The following IL12RB2 variants were observed in gnomAD, a reference collection of about 807,000 sequenced individuals.
IL12RB2 encodes interleukin 12 receptor subunit beta 2.
IL12RB2 carries 82 observed loss-of-function variants against 89.4 expected under a neutral mutation model. The observed-to-expected ratio is 0.92, with a 90% CI of 0.77 to 1.10. The LOEUF (loss-of-function observed/expected upper bound fraction) is 1.10, where lower values mean the gene tolerates loss of function less well. IL12RB2 is among the 50% of genes least tolerant of loss of function. The pLI is 0.00. For synonymous variants in IL12RB2, 368 were observed against 370.1 expected, an observed-to-expected ratio of 0.99 and a Z score of 0.07; for missense variants, 963 against 1,031.9, an observed-to-expected ratio of 0.93 and a Z score of 0.92.
rs554884819 is a variant in IL12RB2, at chr1:67,332,832, G to C, written c.958+2022G>C. On this transcript the variant is annotated intron_variant, in intron 8 of 16. Coordinates refer to ENST00000674203, the MANE Select transcript of IL12RB2 (RefSeq NM_001374259.2). ...TATAAACTAGGGAAACTCTGGGCTT[G>C]TGAATTCTTGTCATTCTTACTCACA... is the stretch of plus-strand genomic sequence containing the variant. Among the ~76,000 whole-genome samples, 14 of 152,320 alleles carry C rather than the reference G, an allele frequency of 9.2e-5. No individual in the cohort carries two copies. In the South Asian group the frequency reaches 2.5e-3, roughly 27 times the overall value.
chr1:67,307,572 G>C (rs1654419912), upstream of IL12RB2: 1 of 152,238 alleles, frequency 6.6e-6, no homozygotes, highest in South Asian at 2.1e-4. Flanking sequence ...GGAAACTGAC[G>C]GTGGAGAGAG....
Position 67,372,547 on chromosome 1 carries a change from A to C in IL12RB2, c.1558+13A>C, listed in dbSNP as rs1488775137. 6.2e-7 allele frequency: 1 copy of C among 1,602,526 alleles called. No individual in the cohort carries two copies. On this transcript the variant is annotated intron_variant, in intron 12 of 16. Transcript: ENST00000674203. ...TCTAAGCACAAAGGTGAGTCTTGGG[A>C]TCTTTTGCCAAATTTTGCTTTAGTT...
chr1:67,387,837 A>G (rs1665387098), intron 15 of IL12RB2, among the ~76,000 whole-genome samples: 1 of 152,198 alleles, frequency 6.6e-6, no homozygotes, highest in Non-Finnish European at 1.5e-5. Context: ...AATGTAAGAT[A>G]TATCAGTTAG....
Position 67,372,719 on chromosome 1 carries a change from C to T in IL12RB2, c.1653C>T (p.Gly551=). The T allele has an allele frequency of 6.2e-7, 1 of 1,604,336 alleles. No individual in the cohort carries two copies. The highest frequency in any genetic ancestry group is 8.5e-7 in the Non-Finnish European group (1 of 1,171,000). Residue 551 remains glycine, a synonymous_variant, in exon 13 of 17, where the codon GGC becomes GGT. Transcript: ENST00000674203. ...GCATTCCAGTCCAGGAGCAAATGGG[C>T]TGCCTCCTCCATTATAGGATATACT... The part of the protein sequence containing the change: ...WNSIPVQEQM[G]CLLHYRIYWK...
chr1:67,358,486 G>T (rs1401655536), intron 10 of IL12RB2, among the ~76,000 whole-genome samples: 1 of 152,138 alleles, frequency 6.6e-6, no homozygotes, highest in East Asian at 1.9e-4. Context: ...TGAGGCAGGA[G>T]AATCGCTTGA....
At chr1:67,385,932 C>T (rs113756470) in intron 14 of IL12RB2, among the ~76,000 whole-genome samples, 2,277 of 152,206 alleles carry the variant, frequency 0.015, 22 homozygotes, top group South Asian at 0.042. Context: ...AAGTCCAGGC[C>T]GGGCACGGTG....
intron 15 of IL12RB2, among the ~76,000 whole-genome samples, chr1:67,388,384 C>T (rs2029860): frequency 0.47 from 71,012 of 151,902 alleles, 18,760 homozygotes; most frequent in Non-Finnish European, 0.58. Context: ...CTCACTCTGT[C>T]GCCCAGGCTG....
rs142207107 is a variant in IL12RB2, at chr1:67,330,137, G to T, written c.807+408G>T. ...ACAATTTAATATAATATTAGGCATTGCATGTTTTAAAATAAAAGGTATAGG... is the reference window on the plus strand; with the variant it reads ...ACAATTTAATATAATATTAGGCATTTCATGTTTTAAAATAAAAGGTATAGG... On this transcript the variant is annotated intron_variant, in intron 7 of 16. Transcript: ENST00000674203. Among the ~76,000 whole-genome samples, 594 of 152,102 alleles carry T rather than the reference G, an allele frequency of 3.9e-3. 7 individuals are homozygous for T. Among genetic ancestry groups the T allele is most frequent in the African/African-American group, 0.014 (574 of 41,522 alleles).
At chr1:67,380,967 TG>T (rs1281779137) in intron 14 of IL12RB2, among the ~76,000 whole-genome samples, 1 of 152,184 alleles carries the variant, frequency 6.6e-6, no homozygotes, top group African/African-American at 2.4e-5. Context: ...ATTCTGAGGC[TG>T]GGGGTTTAGG....
At chr1:67,318,517 C>T (rs1248232835) in intron 2 of IL12RB2, among the ~76,000 whole-genome samples, 1 of 151,980 alleles carries the variant, frequency 6.6e-6, no homozygotes, top group Non-Finnish European at 1.5e-5. Flanking sequence ...GAGAGAAGTG[C>T]ATTGATCTGT....
At chr1:67,369,617 C>T (rs1447295633) in intron 11 of IL12RB2, among the ~76,000 whole-genome samples, 4 of 152,164 alleles carry the variant, frequency 2.6e-5, no homozygotes, top group Non-Finnish European at 4.4e-5. Flanking sequence ...AAATTGTAAA[C>T]ATTATTATAA....
chr1:67,393,992 G>A (rs776120449), intron 16 of IL12RB2, among the ~76,000 whole-genome samples: 1 of 152,148 alleles, frequency 6.6e-6, no homozygotes, highest in Non-Finnish European at 1.5e-5. Context: ...TTTCTTCACT[G>A]AACAGGCATC....
At position 67,372,836 on chromosome 1, in the gene IL12RB2, GA is replaced by G; in HGVS notation, c.1717+57del. 3 of 1,223,782 alleles carry G rather than the reference GA, an allele frequency of 2.5e-6. 1 individual carries two copies. The South Asian group carries it at 3.6e-5, about 15-fold the overall frequency. The allele number at this position is 1,223,782 out of a possible 1,614,324, so 75.8% of individuals were successfully genotyped here. A position where few individuals can be genotyped will look rare whatever the true frequency, so the allele number is the denominator to read the frequency against. ...TGGGGCCTTCTTGTTTGGATGTCAGGAAAACACAAGGAGGTGTGTGTGCACA... is the reference window on the plus strand; with the variant it reads ...TGGGGCCTTCTTGTTTGGATGTCAGGAAACACAAGGAGGTGTGTGTGCACA... On this transcript the variant is annotated intron_variant, in intron 13 of 16. Coordinates refer to ENST00000674203, the MANE Select transcript of IL12RB2 (RefSeq NM_001374259.2).
At chr1:67,346,297 C>T (rs1160729725) in intron 9 of IL12RB2, among the ~76,000 whole-genome samples, 1 of 151,080 alleles carries the variant, frequency 6.6e-6, no homozygotes, top group Non-Finnish European at 1.5e-5. Context: ...TTGTGCATGA[C>T]ATTGAAGGTG....
At chr1:67,328,007 A>G (rs1043479477) in intron 5 of IL12RB2, among the ~76,000 whole-genome samples, 193 bp from the exon 6 acceptor site, 3 of 152,234 alleles carry the variant, frequency 2.0e-5, no homozygotes, top group African/African-American at 7.2e-5. Context: ...TCTACCAAAA[A>G]AGGGAGTTGG....
chr1:67,323,500 T>G (rs890096098), intron 4 of IL12RB2, among the ~76,000 whole-genome samples: 13 of 152,174 alleles, frequency 8.5e-5, no homozygotes, highest in African/African-American at 3.1e-4. Context: ...ATATGCAAAG[T>G]GCTTAATCCC....
At chr1:67,329,339 G>C (rs991115726) in intron 6 of IL12RB2, among the ~76,000 whole-genome samples, 2 of 152,146 alleles carry the variant, frequency 1.3e-5, no homozygotes, top group South Asian at 2.1e-4. Flanking sequence ...ACTAATGTTG[G>C]TAGTAGTTAT....
At chr1:67,381,463 C>A (rs1355982779) in intron 14 of IL12RB2, among the ~76,000 whole-genome samples, 1 of 152,120 alleles carries the variant, frequency 6.6e-6, no homozygotes, top group Non-Finnish European at 1.5e-5. Context: ...CCCCAGCACT[C>A]CCATGAAAGT....
chr1:67,334,084 T>C (rs116597010), intron 8 of IL12RB2, among the ~76,000 whole-genome samples: 29 of 152,194 alleles, frequency 1.9e-4, no homozygotes, highest in African/African-American at 6.7e-4. Flanking sequence ...GGGTGAATAA[T>C]CCCTAAAGGG....
Sources: allele counts gnomAD v4.1 joint callset (sites outside exome capture counted in the v4.1 genomes callset), GRCh38; gene constraint gnomAD v4.1.1; transcripts MANE v1.5; gene names NCBI Gene and HGNC (gene_info 2026-07-23, HGNC 2026-07-21).